The following MALRD1 variants were observed in gnomAD, a reference collection of about 807,000 sequenced individuals.
MALRD1 encodes the protein MAM and LDL-receptor class A domain-containing protein 1.
MALRD1 carries 247 observed loss-of-function variants against 242.1 expected under a neutral mutation model. That is an observed-to-expected ratio of 1.02 (90% confidence interval 0.92 to 1.13). The LOEUF (loss-of-function observed/expected upper bound fraction) is 1.13, where lower values mean the gene tolerates loss of function less well. Among genes scored for constraint, MALRD1 ranks in the 50% most tolerant of loss-of-function variants. The pLI, the probability that MALRD1 is intolerant of heterozygous loss-of-function variation, is 0.00. For synonymous variants in MALRD1, 995 were observed against 866.6 expected (o/e 1.15, Z -2.60); for missense variants, 2,989 against 2,533.1 (o/e 1.18, Z -3.86).
At chr10:19,221,707 T>C (rs1022458846) in intron 18 of MALRD1, among the ~76,000 whole-genome samples, 1 of 152,094 alleles carries the variant, frequency 6.6e-6, no homozygotes, top group African/African-American at 2.4e-5. Flanking sequence ...CTTGTCATGA[T>C]TTCCAAAACA....
chr10:19,480,006 CA>C (rs1162520680), intron 29 of MALRD1, among the ~76,000 whole-genome samples: 1 of 152,182 alleles, frequency 6.6e-6, no homozygotes. Flanking sequence ...CCTGTGTGAG[CA>C]GCCACAGCCC....
Position 19,257,727 on chromosome 10 carries a change from T to C in MALRD1, c.3035T>C (p.Ile1012Thr), listed in dbSNP as rs937469961. ...GTGGGAGATGGCTTCACTGGAGATA[T>C]TGCGATTGATGATCTGTCATTTATG... ...ASVGDGFTGD[I>T]AIDDLSFMDC... The change falls in exon 19 of 40, where the codon ATT (isoleucine) becomes ACT (threonine). Residue 1012 changes from isoleucine (I) to threonine (T), a missense_variant. By Grantham distance (89) the Ile-to-Thr change is moderately conservative (BLOSUM62 -1). Coordinates refer to ENST00000454679, the MANE Select transcript of MALRD1 (RefSeq NM_001142308.3). 17 of 1,542,320 alleles carry C rather than the reference T, an allele frequency of 1.1e-5. No individual in the cohort carries two copies. The highest frequency in any genetic ancestry group is 2.0e-5 in the Admixed American group (1 of 50,764).
At chr10:19,355,463 A>G (rs1285139689) in intron 26 of MALRD1, among the ~76,000 whole-genome samples, 1 of 151,932 alleles carries the variant, frequency 6.6e-6, no homozygotes, top group Non-Finnish European at 1.5e-5. Flanking sequence ...TCATTCATAT[A>G]AAGTATGATA....
chr10:19,446,827 C>A (rs1376189688), intron 28 of MALRD1, among the ~76,000 whole-genome samples: 1 of 151,836 alleles, frequency 6.6e-6, no homozygotes, highest in Non-Finnish European at 1.5e-5. Flanking sequence ...TGCTTATATC[C>A]TCTGGGTATT....
chr10:19,507,993 G>A (rs1230141411), intron 31 of MALRD1, among the ~76,000 whole-genome samples: 1 of 151,902 alleles, frequency 6.6e-6, no homozygotes, highest in African/African-American at 2.4e-5. Flanking sequence ...CTGCCATCAT[G>A]TGGCTGACAT....
At chr10:19,454,463 T>G (rs910897050) in intron 29 of MALRD1, among the ~76,000 whole-genome samples, 2 of 137,072 alleles carry the variant, frequency 1.5e-5, no homozygotes, top group East Asian at 4.1e-4. Context: ...AAATTATATA[T>G]ATATCTATAT....
chr10:19,179,206 A>T (rs1268627264), intron 14 of MALRD1, among the ~76,000 whole-genome samples: 2 of 152,222 alleles, frequency 1.3e-5, no homozygotes, highest in Non-Finnish European at 2.9e-5. Context: ...AAATTGTGGT[A>T]ACCAGGTTCT....
rs767300569 is a variant in MALRD1, at chr10:19,105,521, T to C, written c.694+1446T>C. On this transcript the variant is annotated intron_variant, in intron 5 of 39. Transcript: ENST00000454679. ...GACAGAGATTGAATTCGTATCTCTT[T>C]GATTTCATTTTCTTTGGATAAATAC... Among the ~76,000 whole-genome samples the C allele has an allele frequency of 6.0e-4, 92 of 152,154 alleles. 1 individual carries two copies. The highest frequency in any genetic ancestry group is 1.1e-3 in the Non-Finnish European group (74 of 67,892).
intron 31 of MALRD1, among the ~76,000 whole-genome samples, chr10:19,530,433 TA>T: frequency 1.9e-4 from 2 of 10,658 alleles, no homozygotes; most frequent in Non-Finnish European, 1.3e-3. Context: ...ATATATAATA[TA>T]TATAATATAT....
intron 21 of MALRD1, among the ~76,000 whole-genome samples, chr10:19,297,488 G>A (rs1399349268): frequency 6.6e-6 from 1 of 151,824 alleles, no homozygotes; most frequent in Non-Finnish European, 1.5e-5. Context: ...TTTGGGGTAA[G>A]AGTATAGATC....
intron 1 of MALRD1, among the ~76,000 whole-genome samples, chr10:19,059,100 TA>T (rs1200236225): frequency 6.6e-6 from 1 of 152,156 alleles, no homozygotes; most frequent in East Asian, 1.9e-4. Context: ...TTTATGATAT[TA>T]GGTTAATGTT....
intron 29 of MALRD1, among the ~76,000 whole-genome samples, chr10:19,472,960 G>A (rs191998577): frequency 1.5e-4 from 22 of 150,204 alleles, no homozygotes; most frequent in Admixed American, 7.3e-4. Flanking sequence ...CATATCCTTC[G>A]CATATATTTT....
chr10:19,137,592 C>T (rs2686652), intron 10 of MALRD1, among the ~76,000 whole-genome samples: 129,483 of 143,482 alleles, frequency 0.9, 58,594 homozygotes, highest in East Asian at 1. Context: ...CAGGCGACAG[C>T]GTGAGACTCC....
intron 14 of MALRD1, among the ~76,000 whole-genome samples, chr10:19,175,945 A>T (rs942234901): frequency 1.3e-5 from 2 of 152,120 alleles, no homozygotes; most frequent in Non-Finnish European, 2.9e-5. Flanking sequence ...GTATTTTAAA[A>T]CCTAATCATT....
chr10:19,307,072 A>T (rs1203089510), intron 21 of MALRD1, among the ~76,000 whole-genome samples: 1 of 151,578 alleles, frequency 6.6e-6, no homozygotes, highest in East Asian at 1.9e-4. Flanking sequence ...TTGTAAGGGA[A>T]CAACATTTTA....
intron 36 of MALRD1, among the ~76,000 whole-genome samples, chr10:19,623,715 C>G (rs1211954876): frequency 6.6e-6 from 1 of 152,112 alleles, no homozygotes; most frequent in African/African-American, 2.4e-5. Flanking sequence ...GGAACCACTT[C>G]CCTCTCCCTT....
chr10:19,165,721 G>A lies in MALRD1; in HGVS notation c.1741G>A (p.Gly581Ser). 1.6e-6 allele frequency: 2 copies of A among 1,231,522 alleles called. No individual in the cohort carries two copies. Among genetic ancestry groups the A allele is most frequent in the African/African-American group, 1.6e-5 (1 of 64,472 alleles). The allele number at this position is 1,231,522 out of a possible 1,614,324, so 76.3% of individuals were successfully genotyped here. A position where few individuals can be genotyped will look rare whatever the true frequency, so the allele number is the denominator to read the frequency against. Residue 581 changes from glycine (G) to serine (S), a missense_variant, in exon 13 of 40, where the codon GGC becomes AGC. Gly to Ser is a moderately conservative substitution (Grantham distance 56). Coordinates refer to ENST00000454679, the MANE Select transcript of MALRD1 (RefSeq NM_001142308.3). The part of the protein sequence containing the change: ...TSLDGNLQKQ[G>S]KIIRFSESQW... Reference sequence around the variant, plus strand: ...TCTAGATGGAAACTTGCAAAAGCAGGGCAAAATAATCAGATTCTCCGAATC... The same window carrying A: ...TCTAGATGGAAACTTGCAAAAGCAGAGCAAAATAATCAGATTCTCCGAATC...
At chr10:19,685,197 G>A (rs1321243106) in intron 36 of MALRD1, among the ~76,000 whole-genome samples, 1 of 152,004 alleles carries the variant, frequency 6.6e-6, no homozygotes, top group African/African-American at 2.4e-5. Context: ...GATTCATGAA[G>A]CAATTTTTTC....
Position 19,707,786 on chromosome 10 carries a change from TAAA to T in MALRD1, c.6314+15252_6314+15254del, listed in dbSNP as rs35967457. Among the ~76,000 whole-genome samples the T allele has an allele frequency of 5.0e-3, 304 of 60,864 alleles. 50 individuals carry two copies. The East Asian group carries it at 0.1, about 20-fold the overall frequency. 39.9% of individuals were successfully genotyped at this position (60,864 alleles called of 152,430 possible). ...TAACATGGTGAAACCCCATCTGTAC[TAAA>T]AAAAAAAAAAAAAAAAAAATACAAA... is the stretch of plus-strand genomic sequence containing the variant. On this transcript the variant is annotated intron_variant, in intron 38 of 39. Transcript: ENST00000454679.
Sources: allele counts gnomAD v4.1 joint callset (sites outside exome capture counted in the v4.1 genomes callset), GRCh38; gene constraint gnomAD v4.1.1; transcripts MANE v1.5; gene names NCBI Gene and HGNC (gene_info 2026-07-23, HGNC 2026-07-21).